Variants in TPP2 observed in about 807,000 individuals in gnomAD.
TPP2 encodes the protein tripeptidyl-peptidase 2.
A neutral mutation model predicts 155.9 loss-of-function variants in TPP2; 34 were observed. The observed-to-expected ratio is 0.22, with a 90% CI of 0.17 to 0.29. The LOEUF is 0.29. Ranked by LOEUF, TPP2 falls within the 10% of genes least tolerant of loss-of-function variation. TPP2 has a pLI of 1.00. For synonymous variants in TPP2, 510 were observed against 529.4 expected, an observed-to-expected ratio of 0.96 and a Z score of 0.50; for missense variants, 1,028 against 1,522.3, an observed-to-expected ratio of 0.68 and a Z score of 5.40.
chr13:102,633,224 A>T (rs148320463), intron 10 of TPP2, among the ~76,000 whole-genome samples: 62 of 152,256 alleles, frequency 4.1e-4, no homozygotes, highest in African/African-American at 1.4e-3. Context: ...GAGGGTTTTA[A>T]TTCATCAGAC....
intron 1 of TPP2, among the ~76,000 whole-genome samples, chr13:102,602,052 A>G (rs1005681805): frequency 2.4e-4 from 37 of 152,180 alleles, no homozygotes; most frequent in African/African-American, 8.7e-4. Context: ...CTCTCTTGTT[A>G]TTCTTGATCT....
intron 21 of TPP2, among the ~76,000 whole-genome samples, chr13:102,647,569 G>T (rs1434422272): frequency 6.6e-6 from 1 of 152,128 alleles, no homozygotes; most frequent in East Asian, 1.9e-4. Context: ...GGAGGACAAG[G>T]GTGAACCTTG....
intron 6 of TPP2, among the ~76,000 whole-genome samples, chr13:102,625,258 G>A (rs112980618): frequency 0.088 from 12,716 of 143,700 alleles, 749 homozygotes; most frequent in Middle Eastern, 0.19. Context: ...TCCGCCTCCC[G>A]GGTTCATGCC....
At chr13:102,636,849 C>G (rs1432054690) in intron 13 of TPP2, among the ~76,000 whole-genome samples, 1 of 152,142 alleles carries the variant, frequency 6.6e-6, no homozygotes, top group Non-Finnish European at 1.5e-5. Context: ...TGAAAACATT[C>G]ACTTAAACTC....
chr13:102,673,401 C>A (rs1885100711), intron 27 of TPP2, among the ~76,000 whole-genome samples: 3 of 152,150 alleles, frequency 2.0e-5, no homozygotes, highest in African/African-American at 7.2e-5. Context: ...TACTTTTAGT[C>A]CTCATTGTTT....
chr13:102,597,799 A>G (rs577730515), intron 1 of TPP2, among the ~76,000 whole-genome samples: 4 of 152,218 alleles, frequency 2.6e-5, no homozygotes, highest in African/African-American at 9.6e-5. Flanking sequence ...CCAGAAGATA[A>G]CCCAGTCCTC....
chr13:102,657,003 G>A (rs1883900088), intron 24 of TPP2, 53 bp from the exon 25 acceptor site: 9 of 1,531,028 alleles, frequency 5.9e-6, no homozygotes, highest in Non-Finnish European at 7.9e-6. Context: ...AGATGATTTT[G>A]ATGTATGTAA....
At chr13:102,617,428 G>T (rs1375660405) in intron 4 of TPP2, among the ~76,000 whole-genome samples, 1 of 152,062 alleles carries the variant, frequency 6.6e-6, no homozygotes, top group South Asian at 2.1e-4. Context: ...AGTTTTCCGG[G>T]CTTTATCCCC....
chr13:102,624,904 G>A, intron 6 of TPP2, among the ~76,000 whole-genome samples: 1 of 139,024 alleles, frequency 7.2e-6, no homozygotes, highest in African/African-American at 2.7e-5. Flanking sequence ...TGTCGCCCAG[G>A]CTGGAGTACA....
chr13:102,645,296 A>T (rs911955299), intron 19 of TPP2, among the ~76,000 whole-genome samples: 4 of 152,324 alleles, frequency 2.6e-5, no homozygotes, highest in South Asian at 4.1e-4. Flanking sequence ...GCAAGTTAAC[A>T]TTCTCTCTGA....
intron 5 of TPP2, 30 bp from the exon 6 acceptor site, chr13:102,622,847 T>G (rs1181472829): frequency 1.9e-6 from 3 of 1,579,524 alleles, no homozygotes; most frequent in Non-Finnish European, 2.6e-6. Flanking sequence ...AAAATAAATT[T>G]TACTGTCTCC....
intron 25 of TPP2, among the ~76,000 whole-genome samples, chr13:102,661,526 A>G (rs1884226938): frequency 6.6e-6 from 1 of 152,102 alleles, no homozygotes; most frequent in Non-Finnish European, 1.5e-5. Context: ...TACAGGCATG[A>G]GCCACCTCCA....
intron 2 of TPP2, among the ~76,000 whole-genome samples, 150 bp from the exon 3 acceptor site, chr13:102,613,947 CTACT>C (rs1880513871): frequency 6.6e-6 from 1 of 152,132 alleles, no homozygotes; most frequent in Non-Finnish European, 1.5e-5. Flanking sequence ...CATTAAGTAA[CTACT>C]TAGAGTATTA....
intron 27 of TPP2, among the ~76,000 whole-genome samples, chr13:102,668,269 C>A (rs1276970914): frequency 6.6e-6 from 1 of 152,146 alleles, no homozygotes; most frequent in Non-Finnish European, 1.5e-5. Flanking sequence ...AAAGCTTTTG[C>A]AAAACCTCCC....
intron 28 of TPP2, 91 bp from the exon 29 acceptor site, chr13:102,676,205 C>T: frequency 8.2e-7 from 1 of 1,222,160 alleles, no homozygotes; most frequent in Non-Finnish European, 1.1e-6. Flanking sequence ...AAAAGCTACA[C>T]TTCTGTTAAA....
At chr13:102,620,308 A>T (rs1881061165) in intron 5 of TPP2, among the ~76,000 whole-genome samples, 1 of 152,358 alleles carries the variant, frequency 6.6e-6, no homozygotes, top group South Asian at 2.1e-4. Flanking sequence ...ATCTAACATT[A>T]AGTGAAATAA....
intron 5 of TPP2, among the ~76,000 whole-genome samples, chr13:102,620,860 CCTTG>C (rs1721579860): frequency 6.6e-6 from 1 of 152,138 alleles, no homozygotes; most frequent in African/African-American, 2.4e-5. Context: ...TGGATTTTGA[CCTTG>C]CTTATGTCAT....
chr13:102,648,075 T>C (rs1325965443), intron 21 of TPP2, among the ~76,000 whole-genome samples: 1 of 152,236 alleles, frequency 6.6e-6, no homozygotes, highest in Non-Finnish European at 1.5e-5. Context: ...TTGGTTACTT[T>C]TTAAATCTCA....
chr13:102,667,097 G>A (rs1485845215), intron 27 of TPP2, among the ~76,000 whole-genome samples: 1 of 152,112 alleles, frequency 6.6e-6, no homozygotes, highest in Middle Eastern at 3.2e-3. Flanking sequence ...TCTTACAGAT[G>A]TCATCTATGG....
Sources: allele counts gnomAD v4.1 joint callset (sites outside exome capture counted in the v4.1 genomes callset), GRCh38; gene constraint gnomAD v4.1.1; transcripts MANE v1.5; gene names NCBI Gene and HGNC (gene_info 2026-07-23, HGNC 2026-07-21).